The following TRAPPC9 variants were observed in gnomAD, a reference collection of about 807,000 sequenced individuals.
The protein encoded by TRAPPC9 is trafficking protein particle complex subunit 9.
Under a neutral mutation model 124.0 loss-of-function variants are expected in TRAPPC9, and 83 were observed. The observed-to-expected ratio is 0.67, with a 90% CI of 0.56 to 0.80. The LOEUF (loss-of-function observed/expected upper bound fraction) is 0.80, where lower values mean the gene tolerates loss of function less well. TRAPPC9 is among the 30% of genes least tolerant of loss of function. The pLI is 0.00. For synonymous variants in TRAPPC9, 638 were observed against 617.5 expected (o/e 1.03, Z -0.49); for missense variants, 1,302 against 1,508.3 (o/e 0.86, Z 2.27).
At chr8:140,050,045 C>T (rs1325659086) in intron 17 of TRAPPC9, among the ~76,000 whole-genome samples, 2 of 152,192 alleles carry the variant, frequency 1.3e-5, no homozygotes, top group African/African-American at 2.4e-5. Context: ...ATGAGTACAG[C>T]GTGGGGGCAA....
intron 17 of TRAPPC9, among the ~76,000 whole-genome samples, chr8:140,185,716 C>T (rs758754786): frequency 3.3e-5 from 5 of 152,328 alleles, no homozygotes; most frequent in Middle Eastern, 3.4e-3. Flanking sequence ...TGGTGCAGTG[C>T]CACGTGGTGC....
rs551612962 is a variant in TRAPPC9, at chr8:140,259,082, T to A, written c.2279-6153A>T. ...GCTCATCTCCGGCTGCAATGGCACA[T>A]AACAGCAACATCGTGGGATGGGCAC... On this transcript the variant is annotated intron_variant, in intron 15 of 22. Coordinates refer to ENST00000438773, the MANE Select transcript of TRAPPC9 (RefSeq NM_001160372.4). Among the ~76,000 whole-genome samples, 371 of 152,306 alleles carry A rather than the reference T, an allele frequency of 2.4e-3. 2 individuals carry two copies. The highest frequency in any genetic ancestry group is 6.8e-3 in the Middle Eastern group (2 of 294).
chr8:140,318,133 G>A lies in TRAPPC9; in HGVS notation c.1496-6759C>T, dbSNP rs562969312. Among the ~76,000 whole-genome samples the A allele has an allele frequency of 2.3e-4, 35 of 152,226 alleles. No individual in the cohort carries two copies. In the South Asian group the frequency reaches 6.2e-3, roughly 27 times the overall value. The stretch of plus-strand genomic sequence containing the variant: ...GCAAATTTAAAAAGCAAGAGATGAA[G>A]TAAATGTGTAAAAGTCTTGATAACC... On this transcript the variant is annotated intron_variant, in intron 9 of 22. Transcript: ENST00000438773.
At chr8:139,905,004 G>A (rs1186228781) in intron 20 of TRAPPC9, 10 of 152,238 alleles carry the variant, frequency 6.6e-5, no homozygotes, top group Admixed American at 6.5e-4. Context: ...GCTATGCTAA[G>A]GTTTCCCAAG....
intron 9 of TRAPPC9, among the ~76,000 whole-genome samples, chr8:140,356,415 G>C (rs907582090): frequency 6.6e-6 from 1 of 152,156 alleles, no homozygotes; most frequent in African/African-American, 2.4e-5. Flanking sequence ...ACACAGAAGA[G>C]TGGAATGGGT....
chr8:140,100,455 T>A (rs948364081), intron 17 of TRAPPC9: 1 of 152,280 alleles, frequency 6.6e-6, no homozygotes, highest in African/African-American at 2.4e-5. Context: ...GACACCCAGC[T>A]ACGTCTCGGT....
At chr8:140,380,938 T>C (rs183912011) in intron 7 of TRAPPC9, among the ~76,000 whole-genome samples, 7 of 152,066 alleles carry the variant, frequency 4.6e-5, no homozygotes, top group African/African-American at 1.7e-4. Flanking sequence ...GGCATGGTGG[T>C]TCATGCCTGT....
intron 21 of TRAPPC9, among the ~76,000 whole-genome samples, chr8:139,793,971 G>A (rs539279296): frequency 2.7e-4 from 41 of 152,118 alleles, no homozygotes; most frequent in African/African-American, 9.9e-4. Flanking sequence ...AGCACCTCCC[G>A]ACACGGCCTC....
At chr8:140,326,286 T>A (rs912372251) in intron 9 of TRAPPC9, among the ~76,000 whole-genome samples, 3 of 151,808 alleles carry the variant, frequency 2.0e-5, no homozygotes, top group Non-Finnish European at 4.4e-5. Context: ...TAAAGACCTG[T>A]GCAGTCATTA....
intron 16 of TRAPPC9, among the ~76,000 whole-genome samples, chr8:140,243,631 CAGATGACTTAA>C (rs1228317261): frequency 1.3e-5 from 2 of 152,240 alleles, no homozygotes; most frequent in African/African-American, 4.8e-5. Context: ...ACAAAAGCAG[CAGATGACTTAA>C]AGGACCAGGT....
chr8:140,287,284 G>T (rs896188515), intron 13 of TRAPPC9, among the ~76,000 whole-genome samples: 1 of 151,990 alleles, frequency 6.6e-6, no homozygotes, highest in African/African-American at 2.4e-5. Context: ...GAGATTCAGC[G>T]TGTGTAGACA....
At chr8:139,870,187 A>T (rs560315200) in intron 21 of TRAPPC9, among the ~76,000 whole-genome samples, 23 of 152,360 alleles carry the variant, frequency 1.5e-4, no homozygotes, top group Non-Finnish European at 2.8e-4. Context: ...TGATTAAATG[A>T]CTTGGGGCCA....
intron 5 of TRAPPC9, among the ~76,000 whole-genome samples, chr8:140,418,190 T>G (rs2070013494): frequency 1.3e-5 from 2 of 152,046 alleles, no homozygotes; most frequent in Admixed American, 1.3e-4. Flanking sequence ...TGCACGTGTA[T>G]CCCAGAACTT....
intron 7 of TRAPPC9, among the ~76,000 whole-genome samples, chr8:140,385,829 C>T (rs1325286396): frequency 6.6e-6 from 1 of 152,160 alleles, no homozygotes; most frequent in African/African-American, 2.4e-5. Context: ...AGGCCAGCAT[C>T]ATCCTGATAC....
At position 140,450,774 on chromosome 8, in the gene TRAPPC9, C is replaced by A. The variant is rs768505964; in HGVS notation, c.584+16G>T. 6.3e-6 allele frequency: 10 copies of A among 1,590,478 alleles called. No homozygotes were observed. The Admixed American group carries it at 1.7e-4, about 28-fold the overall frequency. ...TGCAGGGAAGCCAAGGGGCCTGGGT[C>A]TCTAGGTAAGCTTACCTGCTGTCTG... On this transcript the variant is annotated intron_variant, in intron 2 of 22. Coordinates refer to ENST00000438773, the MANE Select transcript of TRAPPC9 (RefSeq NM_001160372.4).
At chr8:139,938,669 C>T (rs1460460156) in intron 19 of TRAPPC9, among the ~76,000 whole-genome samples, 3 of 151,124 alleles carry the variant, frequency 2.0e-5, no homozygotes, top group African/African-American at 7.3e-5. Context: ...GACGGAGTCT[C>T]GCTCTGTCGC....
chr8:140,441,329 G>A (rs946473980), intron 2 of TRAPPC9, among the ~76,000 whole-genome samples: 4 of 151,606 alleles, frequency 2.6e-5, no homozygotes, highest in South Asian at 2.1e-4. Flanking sequence ...ATGTTATCCT[G>A]TTCCAAATGG....
chr8:140,154,856 C>G (rs1156827800), intron 17 of TRAPPC9, among the ~76,000 whole-genome samples: 4 of 152,220 alleles, frequency 2.6e-5, no homozygotes, highest in African/African-American at 4.8e-5. Flanking sequence ...AGAGAAGGCA[C>G]TCAATAAAGT....
chr8:139,812,671 A>C (rs937584831), intron 21 of TRAPPC9, among the ~76,000 whole-genome samples: 1 of 152,230 alleles, frequency 6.6e-6, no homozygotes, highest in Non-Finnish European at 1.5e-5. Context: ...TAATGAGTTA[A>C]ATAGATATTT....
Sources: allele counts gnomAD v4.1 joint callset (sites outside exome capture counted in the v4.1 genomes callset), GRCh38; gene constraint gnomAD v4.1.1; transcripts MANE v1.5; gene names NCBI Gene and HGNC (gene_info 2026-07-23, HGNC 2026-07-21).